The following ADGRL3 variants were observed in gnomAD, a reference collection of about 807,000 sequenced individuals.
ADGRL3 encodes adhesion G protein-coupled receptor L3.
In ADGRL3, 62 loss-of-function variants were observed where a neutral mutation model predicts 153.5. The ratio of observed to expected loss-of-function variants is 0.40; its 90% CI spans 0.33 to 0.50. The LOEUF is 0.50. ADGRL3 is among the 20% of genes least tolerant of loss of function. The pLI, the probability that ADGRL3 is intolerant of heterozygous loss-of-function variation, is 0.47. For synonymous variants in ADGRL3, 710 were observed against 672.5 expected, an observed-to-expected ratio of 1.06 and a Z score of -0.86; for missense variants, 1,641 against 1,859.4, an observed-to-expected ratio of 0.88 and a Z score of 2.16.
At chr4:61,332,123 T>C (rs961680018) in intron 1 of ADGRL3, among the ~76,000 whole-genome samples, 4 of 152,160 alleles carry the variant, frequency 2.6e-5, no homozygotes, top group African/African-American at 9.6e-5. Flanking sequence ...ATAATACCCA[T>C]GAACAAGAGA....
At chr4:61,608,998 T>C (rs900280345) in intron 5 of ADGRL3, among the ~76,000 whole-genome samples, 6 of 152,176 alleles carry the variant, frequency 3.9e-5, no homozygotes, top group African/African-American at 1.2e-4. Context: ...CTTTAAAAAT[T>C]GTCTTTTTTT....
At chr4:61,914,462 G>A (rs867734941) in intron 13 of ADGRL3, among the ~76,000 whole-genome samples, 1 of 152,066 alleles carries the variant, frequency 6.6e-6, no homozygotes, top group Non-Finnish European at 1.5e-5. Flanking sequence ...TATTTTTTAT[G>A]TGTAGGTTTG....
At position 61,267,813 on chromosome 4, in the gene ADGRL3, G is replaced by C. The variant is rs1319078042; in HGVS notation, c.-240+66048G>C. 2.3e-5 allele frequency among the ~76,000 whole-genome samples: 3 copies of C among 131,412 alleles called. No individual in the cohort carries two copies. The South Asian group carries it at 8.2e-4, about 36-fold the overall frequency. 86.2% of individuals were successfully genotyped at this position (131,412 alleles called of 152,430 possible). A position where few individuals can be genotyped will look rare whatever the true frequency, so the allele number is the denominator to read the frequency against. On this transcript the variant is annotated intron_variant, in intron 1 of 26. Transcript: ENST00000683033. ...TGTCTCAAATTGGAGTTAGGGTATG[G>C]AGAGTTTTAGTTGACTTCACTTTTT... is the stretch of plus-strand genomic sequence containing the variant.
At chr4:61,469,942 A>G (rs2097925106) in intron 2 of ADGRL3, among the ~76,000 whole-genome samples, 1 of 151,914 alleles carries the variant, frequency 6.6e-6, no homozygotes, top group African/African-American at 2.4e-5. Flanking sequence ...AAAACAAAAA[A>G]AAACAAACCC....
chr4:61,421,431 G>C (rs1208924383), intron 2 of ADGRL3, among the ~76,000 whole-genome samples: 1 of 151,578 alleles, frequency 6.6e-6, no homozygotes, highest in African/African-American at 2.4e-5. Flanking sequence ...CATGTGAAAA[G>C]CACTAGAAAT....
rs1444888587 is a variant in ADGRL3, at chr4:62,070,430, A to C, written c.4154A>C (p.Asn1385Thr). ...GTCCTGGATGATGCCACCTCGTTTA[A>C]CCACGAGGAGAGTTTGGGCCTGGAA... ...AIVLDDATSF[N>T]HEESLGLELI... The change falls in exon 27 of 27, where the codon AAC becomes ACC. Residue 1385 changes from asparagine (N) to threonine (T), a missense_variant. Transcript: ENST00000683033. The C allele has an allele frequency of 3.9e-6, 6 of 1,551,842 alleles. No individual in the cohort carries two copies. In the South Asian group the frequency reaches 7.1e-5, roughly 18 times the overall value.
At chr4:61,717,153 T>C (rs1344553662) in intron 6 of ADGRL3, among the ~76,000 whole-genome samples, 1 of 151,684 alleles carries the variant, frequency 6.6e-6, no homozygotes, top group Non-Finnish European at 1.5e-5. Flanking sequence ...GTGTGTATCA[T>C]TTTTTTTGAA....
rs748616710 is a variant in ADGRL3 at position 61,517,303 on chromosome 4, C to T, written c.56-12C>T. ...AGCAGGGGTCTGATGGTGCGCCCTGCGGTCCCCGCAGGTGGCAAGCACAGT... is the reference window on the plus strand; with the variant it reads ...AGCAGGGGTCTGATGGTGCGCCCTGTGGTCCCCGCAGGTGGCAAGCACAGT... On this transcript the variant is annotated splice_polypyrimidine_tract_variant and intron_variant, in intron 3 of 26. Transcript: ENST00000683033. 3 of 702,042 alleles carry T rather than the reference C, an allele frequency of 4.3e-6. No individual in the cohort carries two copies. Among genetic ancestry groups the T allele is most frequent in the Middle Eastern group, 2.6e-4 (1 of 3,788 alleles). The allele number at this position is 702,042 out of a possible 1,614,324, so 43.5% of individuals were successfully genotyped here.
intron 1 of ADGRL3, among the ~76,000 whole-genome samples, chr4:61,336,545 A>G (rs2151054957): frequency 6.6e-6 from 1 of 152,222 alleles, no homozygotes; most frequent in Admixed American, 6.5e-5. Context: ...CATGGAGGTT[A>G]CAGGTTATTT....
At chr4:61,344,832 G>C (rs1302524050) in intron 1 of ADGRL3, among the ~76,000 whole-genome samples, 1 of 151,888 alleles carries the variant, frequency 6.6e-6, no homozygotes, top group African/African-American at 2.4e-5. Context: ...TGTTGCCCAG[G>C]CTGGAGTGCA....
At chr4:61,956,138 T>C (rs1443731112) in intron 17 of ADGRL3, among the ~76,000 whole-genome samples, 1 of 152,220 alleles carries the variant, frequency 6.6e-6, no homozygotes, top group African/African-American at 2.4e-5. Context: ...GCTGAACTAA[T>C]TTACATTCCC....
At chr4:61,418,112 G>C (rs76582898) in intron 2 of ADGRL3, among the ~76,000 whole-genome samples, 1 of 152,096 alleles carries the variant, frequency 6.6e-6, no homozygotes, top group African/African-American at 2.4e-5. Flanking sequence ...CGGTGCTCTC[G>C]CTAGAGAAAG....
intron 9 of ADGRL3, among the ~76,000 whole-genome samples, chr4:61,880,535 T>C (rs923436699): frequency 6.6e-6 from 1 of 152,194 alleles, no homozygotes; most frequent in Non-Finnish European, 1.5e-5. Flanking sequence ...CAAAATAAAT[T>C]ACAGATATTT....
chr4:62,043,611 A>C (rs1175451535), intron 24 of ADGRL3, among the ~76,000 whole-genome samples: 1 of 152,108 alleles, frequency 6.6e-6, no homozygotes, highest in African/African-American at 2.4e-5. Flanking sequence ...AAGTAGTAGC[A>C]ATGTTTCTTA....
At chr4:61,231,830 GA>G (rs1285080372) in intron 1 of ADGRL3, among the ~76,000 whole-genome samples, 9 of 152,152 alleles carry the variant, frequency 5.9e-5, no homozygotes, top group African/African-American at 1.9e-4. Context: ...CATGGTATCA[GA>G]TACCTGCACT....
intron 2 of ADGRL3, among the ~76,000 whole-genome samples, chr4:61,478,439 G>A (rs1218741572): frequency 6.6e-6 from 1 of 152,016 alleles, no homozygotes; most frequent in Non-Finnish European, 1.5e-5. Flanking sequence ...GTAGCTAATG[G>A]ATGCTTTTGG....
intron 21 of ADGRL3, among the ~76,000 whole-genome samples, chr4:62,017,082 TTTCTC>T (rs1187904580): frequency 2.0e-5 from 3 of 152,066 alleles, no homozygotes; most frequent in African/African-American, 7.2e-5. Flanking sequence ...TAGAACAACT[TTTCTC>T]TGCACTCATT....
At chr4:61,291,607 C>CATATATATATATAT (rs1188232309) in intron 1 of ADGRL3, among the ~76,000 whole-genome samples, 1 of 8,544 alleles carries the variant, frequency 1.2e-4, no homozygotes, top group African/African-American at 3.1e-4. Flanking sequence ...TATATATACA[C>CATATATATATATAT]ACACATATAT....
chr4:62,039,812 C>G (rs1727191011), intron 24 of ADGRL3, among the ~76,000 whole-genome samples: 1 of 152,012 alleles, frequency 6.6e-6, no homozygotes, highest in Non-Finnish European at 1.5e-5. Flanking sequence ...GCTAAGATTC[C>G]CTATATCATC....
Sources: gnomAD v4.1 joint callset for allele counts (sites outside exome capture counted in the v4.1 genomes callset) on GRCh38, gnomAD v4.1.1 for gene constraint, MANE v1.5 for transcripts, NCBI Gene and HGNC (gene_info 2026-07-23, HGNC 2026-07-21) for gene names.